The following AAMDC variants were observed in gnomAD, a reference collection of about 807,000 sequenced individuals.
AAMDC encodes the protein mth938 domain-containing protein.
In AAMDC, 16 loss-of-function variants were observed where a neutral mutation model predicts 15.5. The ratio of observed to expected loss-of-function variants is 1.03; its 90% CI spans 0.70 to 1.57. AAMDC has a LOEUF of 1.57. AAMDC is among the 40% of genes most tolerant of loss of function. The pLI, the probability that AAMDC is intolerant of heterozygous loss-of-function variation, is 0.00. For missense variants in AAMDC, 141 were observed against 144.9 expected (o/e 0.97, Z 0.14); for synonymous variants, 51 against 51.6 (o/e 0.99, Z 0.05).
intron 5 of AAMDC, among the ~76,000 whole-genome samples, chr11:77,896,889 C>T (rs1952549349): frequency 6.7e-6 from 1 of 150,280 alleles, no homozygotes; most frequent in Non-Finnish European, 1.5e-5. Context: ...AAAGAAAACA[C>T]ATACCTAGAC....
At chr11:77,841,019 T>C in intron 1 of AAMDC, 1 of 559,258 alleles carries the variant, frequency 1.8e-6, no homozygotes, top group South Asian at 2.6e-5. Context: ...TTTCTCACAG[T>C]TCTGGAGGCT....
intron 5 of AAMDC, among the ~76,000 whole-genome samples, chr11:77,898,933 T>C (rs548374006): frequency 2.6e-5 from 4 of 152,130 alleles, no homozygotes; most frequent in Admixed American, 6.5e-5. Context: ...GGCATGAGAG[T>C]TGCTTGGACC....
At chr11:77,879,216 A>C in intron 5 of AAMDC, 1 of 1,396,584 alleles carries the variant, frequency 7.2e-7, no homozygotes, top group Non-Finnish European at 9.8e-7. Flanking sequence ...TCAAAATGGA[A>C]GCAGTAGGGA....
downstream of AAMDC, chr11:77,877,101 T>G: frequency 1.4e-6 from 1 of 699,322 alleles, no homozygotes; most frequent in East Asian, 2.7e-5. Flanking sequence ...CTTCCCCTAG[T>G]CCCTCTTTCG....
intron 1 of AAMDC, among the ~76,000 whole-genome samples, chr11:77,835,105 A>G (rs993058508): frequency 6.6e-6 from 1 of 152,236 alleles, no homozygotes; most frequent in African/African-American, 2.4e-5. Flanking sequence ...ATTGCCTCTT[A>G]GAACAGATAG....
At chr11:77,836,931 C>T (rs1445937588) in intron 1 of AAMDC, among the ~76,000 whole-genome samples, 4 of 152,160 alleles carry the variant, frequency 2.6e-5, no homozygotes, top group African/African-American at 9.7e-5. Flanking sequence ...CGCCATTGCA[C>T]TCCAGCCTGG....
At chr11:77,869,229 CA>C in intron 2 of AAMDC, 2 of 192,958 alleles carry the variant, frequency 1.0e-5, no homozygotes, top group Non-Finnish European at 2.1e-5. Flanking sequence ...TTGTTCCAGC[CA>C]AAAGGTCCTG....
At chr11:77,874,292 C>T (rs1441887321), downstream of AAMDC, among the ~76,000 whole-genome samples, 2 of 152,106 alleles carry the variant, frequency 1.3e-5, no homozygotes, top group African/African-American at 2.4e-5. Flanking sequence ...AGATCTGTTC[C>T]CTTGGCTCAT....
intron 2 of AAMDC, among the ~76,000 whole-genome samples, chr11:77,857,034 A>G (rs1590958392): frequency 6.6e-6 from 1 of 152,258 alleles, no homozygotes; most frequent in Non-Finnish European, 1.5e-5. Flanking sequence ...GTGTAGCATC[A>G]TTAATTCACT....
chr11:77,874,196 A>T (rs1256366293), downstream of AAMDC, among the ~76,000 whole-genome samples: 2 of 152,056 alleles, frequency 1.3e-5, no homozygotes, highest in Middle Eastern at 3.2e-3. Flanking sequence ...TGCTTCACAG[A>T]CCCGACACCC....
chr11:77,852,117 A>T (rs1950409150), intron 2 of AAMDC, among the ~76,000 whole-genome samples: 1 of 150,112 alleles, frequency 6.7e-6, no homozygotes, highest in Admixed American at 6.7e-5. Flanking sequence ...CTGTAATCCC[A>T]GCACTTTGGG....
chr11:77,869,136 T>C, intron 2 of AAMDC: 1 of 256,464 alleles, frequency 3.9e-6, no homozygotes, highest in Non-Finnish European at 7.7e-6. Context: ...CTCCATATTT[T>C]CTAAAAGGCC....
chr11:77,885,282 G>T (rs906197259), intron 5 of AAMDC, among the ~76,000 whole-genome samples: 1 of 151,720 alleles, frequency 6.6e-6, no homozygotes, highest in Non-Finnish European at 1.5e-5. Context: ...TCACCATGTT[G>T]GCCAGGTTGG....
At chr11:77,870,737 C>CA (rs1951391730) in intron 3 of AAMDC, among the ~76,000 whole-genome samples, 1 of 152,096 alleles carries the variant, frequency 6.6e-6, no homozygotes, top group African/African-American at 2.4e-5. Context: ...ATTCCCTTCC[C>CA]AATCTTCACA....
At chr11:77,881,307 G>A (rs7120986) in intron 5 of AAMDC, among the ~76,000 whole-genome samples, 3,137 of 152,284 alleles carry the variant, frequency 0.021, 97 homozygotes, top group African/African-American at 0.071. Context: ...TTCCTACGTG[G>A]CAGCATCCTG....
chr11:77,887,942 A>G (rs1039902352), intron 5 of AAMDC, among the ~76,000 whole-genome samples: 3 of 152,144 alleles, frequency 2.0e-5, no homozygotes, highest in Middle Eastern at 3.2e-3. Flanking sequence ...ACAAATGGAA[A>G]AACATTCCAT....
intron 5 of AAMDC, chr11:77,891,566 G>A (rs1952268788): frequency 6.4e-7 from 1 of 1,552,876 alleles, no homozygotes; most frequent in Non-Finnish European, 8.8e-7. Context: ...GCATGTGGGA[G>A]CCACTCAGAG....
chr11:77,899,537 T>A (rs1438976736), intron 5 of AAMDC, among the ~76,000 whole-genome samples: 2 of 151,270 alleles, frequency 1.3e-5, no homozygotes, highest in African/African-American at 4.9e-5. Context: ...GGGCATGGTG[T>A]TGCATGCCTG....
intron 1 of AAMDC, among the ~76,000 whole-genome samples, chr11:77,822,320 C>G (rs892631690): frequency 2.7e-5 from 4 of 146,298 alleles, no homozygotes; most frequent in African/African-American, 5.1e-5. Flanking sequence ...GAGGCTGATG[C>G]AGGAGAACCC....
Sources: gnomAD v4.1 joint callset for allele counts (sites outside exome capture counted in the v4.1 genomes callset) on GRCh38, gnomAD v4.1.1 for gene constraint, MANE v1.5 for transcripts, NCBI Gene and HGNC (gene_info 2026-07-23, HGNC 2026-07-21) for gene names.